ATRNL1: variants seen among roughly 807,000 people sequenced by gnomAD.
ATRNL1 encodes attractin-like protein 1.
A neutral mutation model predicts 182.7 loss-of-function variants in ATRNL1; 95 were observed. The observed-to-expected ratio is 0.52, with a 90% CI of 0.44 to 0.62. The LOEUF is 0.62. ATRNL1 is among the 20% of genes least tolerant of loss of function. The pLI, the probability that ATRNL1 is intolerant of heterozygous loss-of-function variation, is 0.00. For missense variants in ATRNL1, 1,471 were observed against 1,679.5 expected (o/e 0.88, Z 2.17); for synonymous variants, 576 against 568.3 (o/e 1.01, Z -0.19).
intron 28 of ATRNL1, among the ~76,000 whole-genome samples, chr10:115,875,288 G>A (rs1413405060): frequency 6.6e-6 from 1 of 152,156 alleles, no homozygotes; most frequent in Non-Finnish European, 1.5e-5. Context: ...TAGTAGGCAA[G>A]GCCACATTTA....
chr10:115,342,476 ACT>A (rs1554938677), intron 19 of ATRNL1, among the ~76,000 whole-genome samples: 1 of 152,002 alleles, frequency 6.6e-6, no homozygotes, highest in Non-Finnish European at 1.5e-5. Flanking sequence ...ACTAATAAAA[ACT>A]CTATACCTTA....
At chr10:115,188,925 G>T (rs1323165871) in intron 8 of ATRNL1, among the ~76,000 whole-genome samples, 1 of 152,108 alleles carries the variant, frequency 6.6e-6, no homozygotes, top group East Asian at 1.9e-4. Context: ...TTTATTATGT[G>T]TTGCAATTAG....
At chr10:115,771,721 A>G (rs1485077888) in intron 27 of ATRNL1, among the ~76,000 whole-genome samples, 1 of 152,134 alleles carries the variant, frequency 6.6e-6, no homozygotes, top group African/African-American at 2.4e-5. Flanking sequence ...TCTCTTCCAA[A>G]TAGTTAAAAA....
At chr10:115,340,163 A>G (rs990288704) in intron 19 of ATRNL1, among the ~76,000 whole-genome samples, 4 of 152,118 alleles carry the variant, frequency 2.6e-5, no homozygotes, top group Non-Finnish European at 5.9e-5. Context: ...TTTGTTTTTG[A>G]CATGGAGTCT....
intron 25 of ATRNL1, among the ~76,000 whole-genome samples, chr10:115,532,541 T>C (rs1296796407): frequency 1.3e-5 from 2 of 151,902 alleles, no homozygotes; most frequent in Non-Finnish European, 2.9e-5. Flanking sequence ...ACAGTGGGGT[T>C]TTCTAGATAT....
At chr10:115,302,093 C>A in intron 17 of ATRNL1, 50 bp downstream of exon 17, 2 of 1,432,018 alleles carry the variant, frequency 1.4e-6, no homozygotes, top group South Asian at 1.4e-5. Context: ...CGTAAATTTA[C>A]TTTTCTGTGA....
At chr10:115,226,510 A>G (rs1231228455) in intron 9 of ATRNL1, among the ~76,000 whole-genome samples, 1 of 152,060 alleles carries the variant, frequency 6.6e-6, no homozygotes, top group Non-Finnish European at 1.5e-5. Context: ...AAAGCAATTT[A>G]CAGAATCAGT....
At chr10:115,200,932 A>C (rs1329163911) in intron 8 of ATRNL1, among the ~76,000 whole-genome samples, 1 of 150,900 alleles carries the variant, frequency 6.6e-6, no homozygotes, top group African/African-American at 2.4e-5. Flanking sequence ...AACTGGTGTG[A>C]GATGGTATCT....
intron 27 of ATRNL1, among the ~76,000 whole-genome samples, chr10:115,838,392 C>G (rs1950729093): frequency 6.6e-6 from 1 of 152,144 alleles, no homozygotes; most frequent in Non-Finnish European, 1.5e-5. Flanking sequence ...AGCACACTGA[C>G]AGCAACAGGG....
chr10:115,846,996 A>C (rs1555098965), intron 27 of ATRNL1, among the ~76,000 whole-genome samples: 1 of 152,062 alleles, frequency 6.6e-6, no homozygotes. Flanking sequence ...AACTTAATAA[A>C]ATACTAGCTA....
At chr10:115,673,734 C>CA (rs1945773198) in intron 26 of ATRNL1, among the ~76,000 whole-genome samples, 2 of 152,052 alleles carry the variant, frequency 1.3e-5, no homozygotes, top group Non-Finnish European at 2.9e-5. Context: ...TGACTTTGCT[C>CA]CTTCCCCATA....
Position 115,523,439 on chromosome 10 carries a change from ACT to A in ATRNL1, c.3716+4118_3716+4119del, listed in dbSNP as rs1208807527. ...GCTACCCCAGCACTCTTCTGAAAAC[ACT>A]CTTTCCTTCTCTGCCACATGGCCAG... On this transcript the variant is annotated intron_variant, in intron 25 of 28. Coordinates refer to ENST00000355044, the MANE Select transcript of ATRNL1 (RefSeq NM_207303.4). Among the ~76,000 whole-genome samples the A allele has an allele frequency of 3.9e-5, 6 of 151,956 alleles. No homozygotes were observed. The East Asian group carries it at 1.2e-3, about 29-fold the overall frequency.
At chr10:115,522,273 A>G (rs1486162664) in intron 25 of ATRNL1, among the ~76,000 whole-genome samples, 2 of 152,186 alleles carry the variant, frequency 1.3e-5, no homozygotes, top group Non-Finnish European at 2.9e-5. Context: ...GGGTGCCAGC[A>G]TGTGCATCTG....
intron 28 of ATRNL1, among the ~76,000 whole-genome samples, chr10:115,935,886 G>A (rs1206370727): frequency 6.6e-6 from 1 of 152,074 alleles, no homozygotes; most frequent in Non-Finnish European, 1.5e-5. Flanking sequence ...ATTTCCTAGT[G>A]AGTGGACAAC....
rs143038935 is a variant in ATRNL1, at chr10:115,162,583, A to G, written c.1004+2369A>G. Among the ~76,000 whole-genome samples, 556 of 151,736 alleles carry G rather than the reference A, an allele frequency of 3.7e-3. 2 individuals are homozygous for G. Among genetic ancestry groups the G allele is most frequent in the African/African-American group, 0.013 (538 of 41,378 alleles). ...GAGGGTTTTGAGCATGTGTTGATCC[A>G]TATTTTAAAAGTGTTACCATGGCGG... On this transcript the variant is annotated intron_variant, in intron 6 of 28. Coordinates refer to ENST00000355044, the MANE Select transcript of ATRNL1 (RefSeq NM_207303.4).
chr10:115,710,414 A>C (rs1172133520), intron 26 of ATRNL1, among the ~76,000 whole-genome samples: 2 of 152,148 alleles, frequency 1.3e-5, no homozygotes, highest in Non-Finnish European at 2.9e-5. Context: ...GTGTGTAGTC[A>C]TAATTGCGTG....
intron 20 of ATRNL1, among the ~76,000 whole-genome samples, chr10:115,402,453 C>G (rs1844613290): frequency 6.6e-6 from 1 of 152,100 alleles, no homozygotes; most frequent in Admixed American, 6.6e-5. Flanking sequence ...CACTCACAAC[C>G]ATGTGCCTTA....
At chr10:115,734,215 T>A (rs1326865744) in intron 27 of ATRNL1, among the ~76,000 whole-genome samples, 1 of 152,112 alleles carries the variant, frequency 6.6e-6, no homozygotes, top group Admixed American at 6.6e-5. Flanking sequence ...AATCAAAAGT[T>A]ATTAAGTTTT....
At chr10:115,306,886 G>T (rs1337042430) in intron 17 of ATRNL1, among the ~76,000 whole-genome samples, 2 of 152,016 alleles carry the variant, frequency 1.3e-5, no homozygotes, top group African/African-American at 2.4e-5. Context: ...TTTTGAGAAG[G>T]TTAATGAAAC....
Sources: allele counts gnomAD v4.1 joint callset (sites outside exome capture counted in the v4.1 genomes callset), GRCh38; gene constraint gnomAD v4.1.1; transcripts MANE v1.5; gene names NCBI Gene and HGNC (gene_info 2026-07-23, HGNC 2026-07-21).